Variants in ICA1 observed in about 807,000 individuals in gnomAD.
The protein encoded by ICA1 is 69 kDa islet cell autoantigen.
A neutral mutation model predicts 71.0 loss-of-function variants in ICA1; 40 were observed. The ratio of observed to expected loss-of-function variants is 0.56; its 90% confidence interval spans 0.44 to 0.73. The LOEUF (loss-of-function observed/expected upper bound fraction) is 0.73, where lower values mean the gene tolerates loss of function less well. Among genes scored for constraint, ICA1 ranks in the 30% least tolerant of loss-of-function variants. The pLI, the probability that ICA1 is intolerant of heterozygous loss-of-function variation, is 0.00. For missense variants in ICA1, 578 were observed against 576.5 expected (o/e 1.00, Z -0.03); for synonymous variants, 207 against 209.5 (o/e 0.99, Z 0.10).
In ICA1 at chr7:8,114,019, C is replaced by T. The variant is rs1413648421; in HGVS notation, c.1356G>A (p.Leu452=). 6.2e-7 allele frequency: 1 copy of T among 1,614,112 alleles called. No individual in the cohort carries two copies. Among genetic ancestry groups the T allele is most frequent in the East Asian group, 2.2e-5 (1 of 44,874 alleles). The change falls in exon 14 of 14, where the codon CTG becomes CTA. Residue 452 remains leucine (L), a synonymous_variant. Transcript: ENST00000402384. ...LQEPAKAASD[L]TAWFSLFADL... ...CAGCGAAGAGGCTGAACCAGGCAGT[C>T]AGGTCTGAGGCAGCCTTAGCAGGTT... is the stretch of plus-strand genomic sequence containing the variant.
intron 6 of ICA1, among the ~76,000 whole-genome samples, chr7:8,170,617 T>A (rs1173392303): frequency 2.0e-5 from 3 of 152,056 alleles, no homozygotes; most frequent in Non-Finnish European, 2.9e-5. Context: ...CAATTGCTAA[T>A]TGTTCATTAC....
At chr7:8,126,933 T>C (rs1040290596) in intron 13 of ICA1, among the ~76,000 whole-genome samples, 3 of 152,116 alleles carry the variant, frequency 2.0e-5, no homozygotes. Flanking sequence ...CAGCACTTGG[T>C]TGGTGTACCT....
chr7:8,113,998 G>A lies in ICA1; in HGVS notation c.1377C>T (p.Phe459=), dbSNP rs267601579. 60 of 1,613,962 alleles carry A rather than the reference G, an allele frequency of 3.7e-5. No individual in the cohort carries two copies. Among genetic ancestry groups the A allele is most frequent in the Middle Eastern group, 3.3e-4 (2 of 6,084 alleles). The change falls in exon 14 of 14, where the codon TTC becomes TTT. Residue 459 remains phenylalanine, a synonymous_variant. Coordinates refer to ENST00000402384, the MANE Select transcript of ICA1 (RefSeq NM_001136020.3). This position sits in a 1 kb window ranked among gnomAD's most constrained non-coding sequence, Gnocchi z 4.2. ...ASDLTAWFSL[F]ADLDPLSNPD... The stretch of plus-strand genomic sequence containing the variant: ...GATTTGAGAGTGGGTCGAGGTCAGC[G>A]AAGAGGCTGAACCAGGCAGTCAGGT...
intron 6 of ICA1, among the ~76,000 whole-genome samples, chr7:8,211,034 G>T (rs1324813616): frequency 1.3e-5 from 2 of 152,190 alleles, no homozygotes; most frequent in Non-Finnish European, 2.9e-5. Context: ...TCGTAGAAGA[G>T]GAAGTCAGGA....
intron 6 of ICA1, among the ~76,000 whole-genome samples, chr7:8,205,709 G>C (rs1219121299): frequency 6.6e-6 from 1 of 152,214 alleles, no homozygotes; most frequent in Admixed American, 6.5e-5. Flanking sequence ...GGTTTAGTTT[G>C]TAAGACCTGG....
At chr7:8,243,780 A>G (rs937304597) in intron 1 of ICA1, among the ~76,000 whole-genome samples, 6 of 151,774 alleles carry the variant, frequency 4.0e-5, no homozygotes, top group Non-Finnish European at 5.9e-5. Flanking sequence ...ATAACAGACA[A>G]ACAGAGAGCC....
chr7:8,214,101 G>T (rs17145254), intron 6 of ICA1, among the ~76,000 whole-genome samples: 6 of 152,032 alleles, frequency 3.9e-5, no homozygotes, highest in Non-Finnish European at 7.4e-5. Flanking sequence ...AAATGCCCAC[G>T]TATACATTTC....
chr7:8,247,152 C>T (rs948684106), intron 1 of ICA1, among the ~76,000 whole-genome samples: 1 of 151,620 alleles, frequency 6.6e-6, no homozygotes, highest in Non-Finnish European at 1.5e-5. Context: ...TTGCTAGAGC[C>T]ATTTAAAAAC....
intron 6 of ICA1, among the ~76,000 whole-genome samples, chr7:8,201,010 T>A (rs1040161812): frequency 6.6e-6 from 1 of 152,234 alleles, no homozygotes; most frequent in African/African-American, 2.4e-5. Context: ...TAGTGGTCAA[T>A]GAGTATGGCA....
chr7:8,224,488 A>T (rs1798038031), intron 4 of ICA1, among the ~76,000 whole-genome samples: 1 of 152,220 alleles, frequency 6.6e-6, no homozygotes, highest in African/African-American at 2.4e-5. Flanking sequence ...AAATAATGAT[A>T]GACTTACAGA....
chr7:8,255,105 A>T (rs1305863325), intron 1 of ICA1, among the ~76,000 whole-genome samples: 1 of 151,958 alleles, frequency 6.6e-6, no homozygotes, highest in Non-Finnish European at 1.5e-5. Context: ...ACCCCTGCCC[A>T]CCTTAGTCCA....
intron 1 of ICA1, among the ~76,000 whole-genome samples, chr7:8,259,109 C>A (rs1173254890): frequency 1.3e-5 from 2 of 152,218 alleles, no homozygotes; most frequent in African/African-American, 4.8e-5. Flanking sequence ...CTTATTTTAA[C>A]AAGCCCCCAA....
chr7:8,152,586 A>AT (rs1799299307), intron 8 of ICA1, among the ~76,000 whole-genome samples: 3 of 141,844 alleles, frequency 2.1e-5, no homozygotes, highest in Non-Finnish European at 4.8e-5. Context: ...CATCTCCTTC[A>AT]CCACCACTAC....
In ICA1 at chr7:8,144,003, G is replaced by T; in HGVS notation, c.805-31C>A. Reference sequence around the variant, plus strand: ...TCACGAGCCATAGAAAAATGAAAAAGAAAAAAAAAGAAGAAGAAATAGAGA... The same window carrying T: ...TCACGAGCCATAGAAAAATGAAAAATAAAAAAAAAGAAGAAGAAATAGAGA... On this transcript the variant is annotated intron_variant, in intron 8 of 13. Coordinates refer to ENST00000402384, the MANE Select transcript of ICA1 (RefSeq NM_001136020.3). This position sits in a 1 kb window ranked among gnomAD's most constrained non-coding sequence, Gnocchi z 4.5. 3 of 1,083,596 alleles carry T rather than the reference G, an allele frequency of 2.8e-6. No individual in the cohort carries two copies. Among genetic ancestry groups the T allele is most frequent in the Non-Finnish European group, 2.7e-6 (2 of 753,442 alleles). The allele number at this position is 1,083,596 out of a possible 1,614,324, so 67.1% of individuals were successfully genotyped here. A position where few individuals can be genotyped will look rare whatever the true frequency, so the allele number is the denominator to read the frequency against.
intron 6 of ICA1, among the ~76,000 whole-genome samples, chr7:8,218,044 A>G (rs1795926303): frequency 6.6e-6 from 1 of 152,222 alleles, no homozygotes; most frequent in African/African-American, 2.4e-5. Context: ...AATCTTACAA[A>G]AAGTGCACAT....
At chr7:8,153,605 T>C (rs1800420417) in intron 8 of ICA1, among the ~76,000 whole-genome samples, 1 of 152,134 alleles carries the variant, frequency 6.6e-6, no homozygotes. Context: ...GTGTTGGTAA[T>C]TTAAGATAGG....
intron 1 of ICA1, among the ~76,000 whole-genome samples, chr7:8,251,635 G>A (rs1382111077): frequency 1.3e-5 from 2 of 151,720 alleles, no homozygotes; most frequent in African/African-American, 4.9e-5. Context: ...TCACATAGAG[G>A]AATGCTGGGA....
chr7:8,164,172 T>A (rs1267387524), intron 6 of ICA1, among the ~76,000 whole-genome samples: 1 of 151,660 alleles, frequency 6.6e-6, no homozygotes, highest in African/African-American at 2.4e-5. Context: ...AGTGTGGTGG[T>A]ACACGCCTGT....
chr7:8,261,187 C>A (rs1584018139), intron 1 of ICA1, among the ~76,000 whole-genome samples: 1 of 152,140 alleles, frequency 6.6e-6, no homozygotes, highest in Non-Finnish European at 1.5e-5. Flanking sequence ...GAACGCGATT[C>A]TTTCCAAACT....
Sources: gnomAD v4.1 joint callset for allele counts (sites outside exome capture counted in the v4.1 genomes callset) on GRCh38, gnomAD v4.1.1 for gene constraint, Gnocchi (gnomAD v3.1) non-coding constraint, MANE v1.5 for transcripts, NCBI Gene and HGNC (gene_info 2026-07-23, HGNC 2026-07-21) for gene names.